Variants in DTNA observed in about 807,000 individuals in gnomAD.
DTNA encodes dystrobrevin alpha.
Under a neutral mutation model 100.7 loss-of-function variants are expected in DTNA, and 43 were observed. That is an observed-to-expected ratio of 0.43 (90% confidence interval 0.33 to 0.55). DTNA has a LOEUF of 0.55. Ranked by LOEUF, DTNA falls within the 20% of genes least tolerant of loss-of-function variation. The pLI is 0.04. For missense variants in DTNA, 798 were observed against 953.9 expected (o/e 0.84, Z 2.15); for synonymous variants, 349 against 347.9 (o/e 1.00, Z -0.04).
At chr18:34,821,555 C>A in intron 9 of DTNA, 1 of 455,618 alleles carries the variant, frequency 2.2e-6, no homozygotes, top group South Asian at 1.6e-5. Context: ...AAGTTTCATG[C>A]CTTTGAACCT....
At chr18:34,879,878 A>G (rs1286323628) in intron 20 of DTNA, among the ~76,000 whole-genome samples, 159 bp downstream of exon 20, 1 of 152,182 alleles carries the variant, frequency 6.6e-6, no homozygotes, top group East Asian at 1.9e-4. Flanking sequence ...CTACATTTAA[A>G]TTCGGCATTG....
chr18:34,886,759 T>C (rs1172306958), intron 22 of DTNA, among the ~76,000 whole-genome samples: 2 of 152,214 alleles, frequency 1.3e-5, no homozygotes, highest in Non-Finnish European at 2.9e-5. Context: ...CACAGAACTC[T>C]GAACAAGAAC....
chr18:34,872,057 T>A (rs1187869019), intron 17 of DTNA, among the ~76,000 whole-genome samples: 1 of 152,246 alleles, frequency 6.6e-6, no homozygotes, highest in Non-Finnish European at 1.5e-5. Context: ...TTCAGTCAAC[T>A]GTTTTTCCCT....
chr18:34,651,372 T>C (rs1222823045), intron 1 of DTNA, among the ~76,000 whole-genome samples: 2 of 149,498 alleles, frequency 1.3e-5, no homozygotes, highest in Non-Finnish European at 3.0e-5. Flanking sequence ...CAATAAATGC[T>C]AATAGTCATT....
intron 1 of DTNA, among the ~76,000 whole-genome samples, chr18:34,502,844 A>G (rs1023365767): frequency 3.3e-5 from 5 of 152,202 alleles, no homozygotes; most frequent in African/African-American, 1.2e-4. Flanking sequence ...GTTTCGGGGT[A>G]GAGTGTTCTA....
At chr18:34,532,637 A>G (rs527772555) in intron 1 of DTNA, among the ~76,000 whole-genome samples, 1 of 152,062 alleles carries the variant, frequency 6.6e-6, no homozygotes, top group African/African-American at 2.4e-5. Context: ...ATACAATTTT[A>G]TGCATGTCAA....
chr18:34,751,544 T>C (rs192498164), intron 1 of DTNA, among the ~76,000 whole-genome samples: 84 of 152,352 alleles, frequency 5.5e-4, no homozygotes, highest in Non-Finnish European at 1.0e-3. Flanking sequence ...CACTCACACT[T>C]GCACCCAGCA....
intron 17 of DTNA, among the ~76,000 whole-genome samples, chr18:34,870,297 T>C (rs1465896693): frequency 1.3e-5 from 2 of 152,184 alleles, no homozygotes; most frequent in African/African-American, 4.8e-5. Flanking sequence ...GTCAGGAAAT[T>C]GTAGTCATCA....
intron 11 of DTNA, among the ~76,000 whole-genome samples, chr18:34,834,437 A>C (rs1439658782): frequency 6.6e-6 from 1 of 151,814 alleles, no homozygotes; most frequent in Non-Finnish European, 1.5e-5. Flanking sequence ...CAGGAGGCGG[A>C]GGTTGCAGTG....
chr18:34,777,621 A>G lies in DTNA; in HGVS notation c.148+11580A>G, dbSNP rs1308333604. ...GGGAGGCCTCAGGAAACTTACAATCATGGCAGAAGGTGAAGGAGAAGCAAG... is the reference window on the plus strand; with the variant it reads ...GGGAGGCCTCAGGAAACTTACAATCGTGGCAGAAGGTGAAGGAGAAGCAAG... On this transcript the variant is annotated intron_variant, in intron 3 of 22. Coordinates refer to ENST00000444659, the MANE Select transcript of DTNA (RefSeq NM_001386795.1). Among the ~76,000 whole-genome samples, 3 of 152,208 alleles carry G rather than the reference A, an allele frequency of 2.0e-5. 1 individual carries two copies. The highest frequency in any genetic ancestry group is 2.1e-4 in the South Asian group (1 of 4,828).
At position 34,591,313 on chromosome 18, in the gene DTNA, G is replaced by A. The variant is rs80221727; in HGVS notation, c.-2+97799G>A. 8.6e-3 allele frequency among the ~76,000 whole-genome samples: 1,306 copies of A among 152,224 alleles called. 21 individuals are homozygous for A. Among genetic ancestry groups the A allele is most frequent in the African/African-American group, 0.03 (1,249 of 41,520 alleles). On this transcript the variant is annotated intron_variant, in intron 1 of 19. Coordinates refer to the DTNA transcript ENST00000283365. ...TTTGGTTAATTGCCTGAAAAGAAGC[G>A]TATTTTTCCCAAGACAAATACAAAA...
intron 1 of DTNA, among the ~76,000 whole-genome samples, chr18:34,597,037 G>T (rs2050768874): frequency 6.6e-6 from 1 of 151,990 alleles, no homozygotes; most frequent in African/African-American, 2.4e-5. Context: ...AGTGTGTGAT[G>T]TTCCCCTCCC....
intron 1 of DTNA, among the ~76,000 whole-genome samples, chr18:34,516,025 C>A (rs2145061981): frequency 6.6e-6 from 1 of 152,180 alleles, no homozygotes; most frequent in South Asian, 2.1e-4. Context: ...TTTTCTATAA[C>A]CATGCTTGAA....
rs183496225 is a variant in DTNA at position 34,766,788 on chromosome 18, G to A, written c.148+747G>A. Among the ~76,000 whole-genome samples the A allele has an allele frequency of 6.5e-3, 984 of 152,162 alleles. 5 individuals carry two copies. Among genetic ancestry groups the A allele is most frequent in the African/African-American group, 0.023 (938 of 41,502 alleles). On this transcript the variant is annotated intron_variant, in intron 3 of 22. Coordinates refer to ENST00000444659, the MANE Select transcript of DTNA (RefSeq NM_001386795.1). ...ACAGGAAAATATTTTAAAGCTTTTGGAAAACATTTAAGTTTTTTTCTGAAA... is the reference window on the plus strand; with the variant it reads ...ACAGGAAAATATTTTAAAGCTTTTGAAAAACATTTAAGTTTTTTTCTGAAA...
intron 1 of DTNA, among the ~76,000 whole-genome samples, chr18:34,526,701 G>A (rs1338395574): frequency 6.6e-6 from 1 of 152,070 alleles, no homozygotes; most frequent in Non-Finnish European, 1.5e-5. Flanking sequence ...AATAATGTCT[G>A]ACTATCCTCA....
chr18:34,833,903 G>A (rs146159895), intron 11 of DTNA, among the ~76,000 whole-genome samples: 1 of 152,296 alleles, frequency 6.6e-6, no homozygotes, highest in Non-Finnish European at 1.5e-5. Flanking sequence ...ATGAAGCTCA[G>A]TCTGGGTTGT....
chr18:34,666,107 T>C (rs1258960005), intron 1 of DTNA, among the ~76,000 whole-genome samples: 1 of 152,176 alleles, frequency 6.6e-6, no homozygotes, highest in Non-Finnish European at 1.5e-5. Flanking sequence ...TTTTAATGAT[T>C]GCTATTCTAA....
At chr18:34,539,151 A>G (rs1333584098) in intron 1 of DTNA, among the ~76,000 whole-genome samples, 2 of 152,016 alleles carry the variant, frequency 1.3e-5, no homozygotes, top group African/African-American at 4.8e-5. Flanking sequence ...TTGATGGTCC[A>G]GGAGTAAGAC....
At chr18:34,758,879 A>G (rs1601553000) in intron 2 of DTNA, among the ~76,000 whole-genome samples, 2 of 152,226 alleles carry the variant, frequency 1.3e-5, no homozygotes, top group Admixed American at 1.3e-4. Flanking sequence ...AGAAAAATGG[A>G]TAAGAAAGTT....
Sources: allele counts gnomAD v4.1 joint callset (sites outside exome capture counted in the v4.1 genomes callset), GRCh38; gene constraint gnomAD v4.1.1; transcripts MANE v1.5; gene names NCBI Gene and HGNC (gene_info 2026-07-23, HGNC 2026-07-21).